Variants in CEP44 observed in about 807,000 individuals in gnomAD.
The protein encoded by CEP44 is centrosomal protein of 44 kDa.
CEP44 carries 45 observed loss-of-function variants against 46.7 expected under a neutral mutation model. The ratio of observed to expected loss-of-function variants is 0.96; its 90% CI spans 0.76 to 1.24. The LOEUF (loss-of-function observed/expected upper bound fraction) is 1.24, where lower values mean the gene tolerates loss of function less well. CEP44 is among the 50% of genes most tolerant of loss of function. The probability of loss-of-function intolerance (pLI) is 0.00; values close to 1 mark genes in which losing one functional copy is unlikely to be tolerated. For synonymous variants in CEP44, 142 were observed against 146.0 expected (o/e 0.97, Z 0.20); for missense variants, 475 against 459.7 (o/e 1.03, Z -0.30).
chr4:174,302,149 C>CA lies in CEP44; in HGVS notation c.206dup (p.Asn69LysfsTer2). 1 of 1,606,498 alleles carries CA rather than the reference C, an allele frequency of 6.2e-7. No homozygotes were observed. The highest frequency in any genetic ancestry group is 8.5e-7 in the Non-Finnish European group (1 of 1,176,598). On this transcript the variant is annotated frameshift_variant, in exon 4 of 12. Transcript: ENST00000503780. LOFTEE classifies it high-confidence loss of function. Reference sequence around the variant, plus strand: ...ATGGAATCCAATGTAGAGCTCATAGCAAAAAATGACTTGCGCTTTATAGAT... The same window carrying CA: ...ATGGAATCCAATGTAGAGCTCATAGCAAAAAAATGACTTGCGCTTTATAGAT...
At position 174,301,459 on chromosome 4, in the gene CEP44, A is replaced by T. The variant is rs146815769; in HGVS notation, c.90-580A>T. ...TTTGTAAAAAATAAATAATAATTGGATAAGCAAAGAAGAGTGGGATACCTT... is the reference window on the plus strand; with the variant it reads ...TTTGTAAAAAATAAATAATAATTGGTTAAGCAAAGAAGAGTGGGATACCTT... On this transcript the variant is annotated intron_variant, in intron 3 of 11. Transcript: ENST00000503780. The surrounding 1 kb of genome is among the most constrained non-coding windows in gnomAD (Gnocchi z 4.3). Among the ~76,000 whole-genome samples, 1,465 of 152,288 alleles carry T rather than the reference A, an allele frequency of 9.6e-3. 7 individuals are homozygous for T. The highest frequency in any genetic ancestry group is 0.015 in the South Asian group (72 of 4,832).
chr4:174,319,791 A>T lies in CEP44; in HGVS notation c.*2408A>T, dbSNP rs1400052779. The T allele has an allele frequency of 1.6e-5, 15 of 955,632 alleles. 1 individual carries two copies. The South Asian group carries it at 7.2e-4, about 46-fold the overall frequency. 59.2% of individuals were successfully genotyped at this position (955,632 alleles called of 1,614,324 possible). ...TACAAAGAGTCTTTATCTAGACAAC[A>T]TAATTTTTGGAAAAATAAAGCAAAT... On this transcript the variant is annotated 3_prime_UTR_variant, in exon 12 of 12. Coordinates refer to ENST00000503780, the MANE Select transcript of CEP44 (RefSeq NM_001040157.3).
chr4:174,298,157 G>A (rs1196271390), intron 2 of CEP44, 95 bp downstream of exon 2: 1 of 149,878 alleles, frequency 6.7e-6, no homozygotes, highest in Non-Finnish European at 1.5e-5. Context: ...TTTTGTCCTG[G>A]TGGGTATATA....
At chr4:174,305,538 A>G (rs1740287398) in intron 6 of CEP44, among the ~76,000 whole-genome samples, 1 of 152,198 alleles carries the variant, frequency 6.6e-6, no homozygotes, top group Non-Finnish European at 1.5e-5. Context: ...TTTTTAATGT[A>G]CCTGTTTTGC....
intron 2 of CEP44, 124 bp downstream of exon 2, chr4:174,298,186 T>TTTG (rs1211468193): frequency 1.4e-5 from 2 of 142,450 alleles, no homozygotes; most frequent in African/African-American, 5.2e-5. Context: ...TTTTTTTTTT[T>TTTG]TTTTTTTGAG....
rs182075920 is a variant in CEP44 at position 174,297,735 on chromosome 4, G to A, written c.-147-231G>A. Reference sequence around the variant, plus strand: ...TCGAACACTTCCTTCTGTATTGTTCGCCTTGCCTGATGTTACCAAATTTAG... The same window carrying A: ...TCGAACACTTCCTTCTGTATTGTTCACCTTGCCTGATGTTACCAAATTTAG... On this transcript the variant is annotated intron_variant, in intron 1 of 11. Coordinates refer to ENST00000503780, the MANE Select transcript of CEP44 (RefSeq NM_001040157.3). This position sits in a 1 kb window ranked among gnomAD's most constrained non-coding sequence, Gnocchi z 4.3. Among the ~76,000 whole-genome samples the A allele has an allele frequency of 3.6e-4, 54 of 151,432 alleles. No individual in the cohort carries two copies. The highest frequency in any genetic ancestry group is 9.7e-4 in the African/African-American group (40 of 41,252).
intron 1 of CEP44, among the ~76,000 whole-genome samples, chr4:174,289,569 T>C (rs1403989084): frequency 6.6e-6 from 1 of 152,074 alleles, no homozygotes; most frequent in African/African-American, 2.4e-5. Flanking sequence ...TGATACTTTT[T>C]ATATCTGTGG....
At position 174,288,223 on chromosome 4, in the gene CEP44, C is replaced by T. The variant is rs115719018; in HGVS notation, c.-148+4280C>T. 6.6e-6 allele frequency among the ~76,000 whole-genome samples: 1 copy of T among 152,172 alleles called. No individual in the cohort carries two copies. Among genetic ancestry groups the T allele is most frequent in the Non-Finnish European group, 1.5e-5 (1 of 68,032 alleles). On this transcript the variant is annotated intron_variant, in intron 1 of 11. Coordinates refer to ENST00000503780, the MANE Select transcript of CEP44 (RefSeq NM_001040157.3). The surrounding 1 kb of genome is among the most constrained non-coding windows in gnomAD (Gnocchi z 4.6). The stretch of plus-strand genomic sequence containing the variant: ...TGAAACCATCCAACCATTATTACTA[C>T]AAGAAATCAATGCCATCACCTTGAA...
Position 174,308,836 on chromosome 4 carries a change from C to A in CEP44, c.655C>A (p.Pro219Thr). ...AATAAAGATGCCTGAAGTAAAGGTT[C>A]CTGAAATCAAGGCTGAGCAACAGGT... is the stretch of plus-strand genomic sequence containing the variant. ...TEIKMPEVKV[P>T]EIKAEQQDVN... The change falls in exon 7 of 12, where the codon CCT becomes ACT. Residue 219 changes from proline to threonine, a missense_variant. Pro to Thr is a conservative substitution (Grantham distance 38, BLOSUM62 -1). Transcript: ENST00000503780. 1 of 1,612,942 alleles carries A rather than the reference C, an allele frequency of 6.2e-7. No homozygotes were observed. Among genetic ancestry groups the A allele is most frequent in the Non-Finnish European group, 8.5e-7 (1 of 1,179,318 alleles).
chr4:174,309,618 A>T lies in CEP44; in HGVS notation c.679-232A>T, dbSNP rs1740840765. On this transcript the variant is annotated intron_variant, in intron 7 of 11. Coordinates refer to ENST00000503780, the MANE Select transcript of CEP44 (RefSeq NM_001040157.3). The surrounding 1 kb of genome is among the most constrained non-coding windows in gnomAD (Gnocchi z 5.3). ...CATTATCAGAAGAATCATATGAAAT[A>T]GATACTGCTCTTATCTCTTTTTTTT... is the stretch of plus-strand genomic sequence containing the variant. Among the ~76,000 whole-genome samples the T allele has an allele frequency of 6.6e-6, 1 of 151,924 alleles. No individual in the cohort carries two copies. The highest frequency in any genetic ancestry group is 2.1e-4 in the South Asian group (1 of 4,824).
chr4:174,300,694 A>G (rs1161599306), intron 3 of CEP44, among the ~76,000 whole-genome samples: 3 of 152,022 alleles, frequency 2.0e-5, no homozygotes, highest in Non-Finnish European at 2.9e-5. Flanking sequence ...TCCCTGCCAC[A>G]CACATTTAAG....
chr4:174,304,539 T>G (rs1740160550), intron 6 of CEP44, among the ~76,000 whole-genome samples, 170 bp downstream of exon 6: 1 of 152,246 alleles, frequency 6.6e-6, no homozygotes, highest in African/African-American at 2.4e-5. Flanking sequence ...CCTGAAGTTA[T>G]AACAATAGGA....
chr4:174,323,142 GA>G (rs535262453), downstream of CEP44, among the ~76,000 whole-genome samples: 10 of 151,842 alleles, frequency 6.6e-5, 1 homozygote, highest in South Asian at 8.3e-4. Flanking sequence ...AAACATTCTT[GA>G]AAAAAATATA....
chr4:174,325,865 T>TA lies in CEP44; in HGVS notation c.1087-5616dup, dbSNP rs1742629613. On this transcript the variant is annotated intron_variant, in intron 8 of 8. Coordinates refer to the CEP44 transcript ENST00000426172. The surrounding 1 kb of genome is among the most constrained non-coding windows in gnomAD (Gnocchi z 4.4). ...TATCTCTGGTAATATTCTCTCCTGA[T>TA]ATCTATGTTGTCTGACAGCTATTCC... Among the ~76,000 whole-genome samples the TA allele has an allele frequency of 1.3e-5, 2 of 152,304 alleles. No individual in the cohort carries two copies. The highest frequency in any genetic ancestry group is 2.1e-4 in the South Asian group (1 of 4,826).
At chr4:174,307,181 T>G (rs1271731165) in intron 6 of CEP44, among the ~76,000 whole-genome samples, 1 of 152,118 alleles carries the variant, frequency 6.6e-6, no homozygotes, top group Non-Finnish European at 1.5e-5. Context: ...AGAACAAAGC[T>G]GGAGGGATCA....
At chr4:174,315,113 A>C (rs1283959612) in intron 9 of CEP44, among the ~76,000 whole-genome samples, 2 of 152,166 alleles carry the variant, frequency 1.3e-5, no homozygotes, top group Admixed American at 6.5e-5. Flanking sequence ...ATGAGAGATA[A>C]AAATTAGTCT....
chr4:174,310,771 G>A lies in CEP44; in HGVS notation c.886-12G>A, dbSNP rs763194378. 2.4e-6 allele frequency: 3 copies of A among 1,245,516 alleles called. No homozygotes were observed. Among genetic ancestry groups the A allele is most frequent in the Non-Finnish European group, 3.5e-6 (3 of 866,648 alleles). 77.2% of individuals were successfully genotyped at this position (1,245,516 alleles called of 1,614,324 possible). A position where few individuals can be genotyped will look rare whatever the true frequency, so the allele number is the denominator to read the frequency against. On this transcript the variant is annotated splice_polypyrimidine_tract_variant and intron_variant, in intron 8 of 11. Coordinates refer to ENST00000503780, the MANE Select transcript of CEP44 (RefSeq NM_001040157.3). The surrounding 1 kb of genome is among the most constrained non-coding windows in gnomAD (Gnocchi z 4.2). Reference sequence around the variant, plus strand: ...TTTATTTCATTCTAAATATTTAACTGTGTTATTCCAGAATGATGAATTTAT... The same window carrying A: ...TTTATTTCATTCTAAATATTTAACTATGTTATTCCAGAATGATGAATTTAT...
At position 174,301,130 on chromosome 4, in the gene CEP44, A is replaced by C. The variant is rs1256699185; in HGVS notation, c.90-909A>C. Among the ~76,000 whole-genome samples the C allele has an allele frequency of 6.6e-6, 1 of 152,168 alleles. No homozygotes were observed. Among genetic ancestry groups the C allele is most frequent in the African/African-American group, 2.4e-5 (1 of 41,444 alleles). On this transcript the variant is annotated intron_variant, in intron 3 of 11. Coordinates refer to ENST00000503780, the MANE Select transcript of CEP44 (RefSeq NM_001040157.3). The surrounding 1 kb of genome is among the most constrained non-coding windows in gnomAD (Gnocchi z 4.3). ...TGTATTTGTTCTCTGTCTTACTAAA[A>C]ATTTGGGTGGAGATGGGGATGTTTA... is the stretch of plus-strand genomic sequence containing the variant.
intron 6 of CEP44, among the ~76,000 whole-genome samples, chr4:174,305,109 T>A (rs1289441098): frequency 3.3e-5 from 5 of 152,220 alleles, no homozygotes; most frequent in Non-Finnish European, 7.4e-5. Context: ...AGAGTATTAT[T>A]TCTGCCCTAA....
Sources: allele counts gnomAD v4.1 joint callset (sites outside exome capture counted in the v4.1 genomes callset), GRCh38; gene constraint gnomAD v4.1.1; non-coding constraint Gnocchi (gnomAD v3.1); transcripts MANE v1.5; gene names NCBI Gene and HGNC (gene_info 2026-07-23, HGNC 2026-07-21).